The following GPR132 variants were observed in gnomAD, a reference collection of about 807,000 sequenced individuals.
The protein encoded by GPR132 is probable G protein-coupled receptor 132.
GPR132 carries 4 observed loss-of-function variants against 1.9 expected under a neutral mutation model. The observed-to-expected ratio is 2.13, with a 90% CI of 1.05 to 4.87. The LOEUF is 4.87. GPR132 is among the 30% of genes most tolerant of loss of function. GPR132 has a pLI of 0.01. For missense variants in GPR132, 404 were observed against 512.5 expected (o/e 0.79, Z 2.04); for synonymous variants, 233 against 234.2 (o/e 0.99, Z 0.05).
At chr14:105,052,162 T>C in intron 3 of GPR132, 60 bp from the exon 4 acceptor site, 1 of 1,371,636 alleles carries the variant, frequency 7.3e-7, no homozygotes, top group Non-Finnish European at 9.8e-7. Flanking sequence ...GGAGAGACTC[T>C]ACTGTGGGAA....
intron 1 of GPR132, among the ~76,000 whole-genome samples, chr14:105,065,047 C>T (rs1487684205): frequency 6.6e-6 from 1 of 152,044 alleles, no homozygotes; most frequent in Non-Finnish European, 1.5e-5. Context: ...CAAAGTCCAG[C>T]CCCCTGACTC....
At chr14:105,054,512 C>G (rs1886736383) in intron 3 of GPR132, 1 of 587,888 alleles carries the variant, frequency 1.7e-6, no homozygotes, top group Non-Finnish European at 2.1e-6. Flanking sequence ...GCTACTGCAA[C>G]CTCTGCCTCC....
chr14:105,056,629 C>A lies in GPR132; in HGVS notation c.-746-463G>T, dbSNP rs1282903669. ...AGTCAGGGCCTCGGTGCCCCTCAGT[C>A]CCGCACCCCCTGCTCCAGGCCTCAC... is the stretch of plus-strand genomic sequence containing the variant. On this transcript the variant is annotated intron_variant, in intron 2 of 3. Coordinates refer to ENST00000329797, the MANE Select transcript of GPR132 (RefSeq NM_013345.4). The surrounding 1 kb of genome is among the most constrained non-coding windows in gnomAD (Gnocchi z 6.0). Among the ~76,000 whole-genome samples the A allele has an allele frequency of 6.6e-6, 1 of 152,226 alleles. No homozygotes were observed. Among genetic ancestry groups the A allele is most frequent in the Non-Finnish European group, 1.5e-5 (1 of 68,042 alleles).
At chr14:105,061,130 C>G (rs960212285) in intron 1 of GPR132, among the ~76,000 whole-genome samples, 1 of 152,258 alleles carries the variant, frequency 6.6e-6, no homozygotes, top group African/African-American at 2.4e-5. Context: ...GTGGGAACAA[C>G]CCAAGGCAGG....
intron 1 of GPR132, among the ~76,000 whole-genome samples, chr14:105,062,359 C>A (rs1886966134): frequency 1.3e-5 from 2 of 152,200 alleles, no homozygotes; most frequent in Non-Finnish European, 2.9e-5. Context: ...GGCCAGCCCT[C>A]CACTGCTCCC....
At position 105,056,559 on chromosome 14, in the gene GPR132, T is replaced by C. The variant is rs991832430; in HGVS notation, c.-746-393A>G. ...CGCTCTGGTCTGTTCCCTCCCCGAC[T>C]TCCTACGGCTCCCCCACCCCACACA... On this transcript the variant is annotated intron_variant, in intron 2 of 3. Coordinates refer to ENST00000329797, the MANE Select transcript of GPR132 (RefSeq NM_013345.4). The surrounding 1 kb of genome is among the most constrained non-coding windows in gnomAD (Gnocchi z 6.0). Among the ~76,000 whole-genome samples, 1 of 152,148 alleles carries C rather than the reference T, an allele frequency of 6.6e-6. No individual in the cohort carries two copies. Among genetic ancestry groups the C allele is most frequent in the Non-Finnish European group, 1.5e-5 (1 of 68,008 alleles).
At chr14:105,061,567 G>T (rs1373960674) in intron 1 of GPR132, among the ~76,000 whole-genome samples, 2 of 152,190 alleles carry the variant, frequency 1.3e-5, no homozygotes, top group East Asian at 3.9e-4. Context: ...TCCACAGAAA[G>T]GGGCGTGGGG....
At chr14:105,063,668 C>T (rs749327472) in intron 1 of GPR132, among the ~76,000 whole-genome samples, 3 of 151,978 alleles carry the variant, frequency 2.0e-5, no homozygotes, top group Admixed American at 6.6e-5. Flanking sequence ...TGAGCCACCA[C>T]GCCCAGCCTG....
rs1214180860 is a variant in GPR132, at chr14:105,051,849, T to C, written c.288A>G (p.Pro96=). ...LCELLYTGTL[P]LWVIYIRNQH... ...GGTTGCGGATATAGATGACCCAGAGTGGCAGCGTGCCTGTGTACAGCAGCT... is the reference window on the plus strand; with the variant it reads ...GGTTGCGGATATAGATGACCCAGAGCGGCAGCGTGCCTGTGTACAGCAGCT... The change falls in exon 4 of 4, where the codon CCA becomes CCG. Residue 96 remains proline, a synonymous_variant. Coordinates refer to ENST00000329797, the MANE Select transcript of GPR132 (RefSeq NM_013345.4). This position sits in a 1 kb window ranked among gnomAD's most constrained non-coding sequence, Gnocchi z 8.0. 3 of 1,613,912 alleles carry C rather than the reference T, an allele frequency of 1.9e-6. No homozygotes were observed. Among genetic ancestry groups the C allele is most frequent in the South Asian group, 2.2e-5 (2 of 91,084 alleles).
chr14:105,052,103 C>A lies in GPR132; in HGVS notation c.35-1G>T, dbSNP rs772040267. 6.4e-7 allele frequency: 1 copy of A among 1,557,312 alleles called. No homozygotes were observed. Among genetic ancestry groups the A allele is most frequent in the Non-Finnish European group, 8.7e-7 (1 of 1,153,854 alleles). ...GTGGTGGTCACTGGGGTGGCGTTTCCTGTGGGACAGAGACAAGAGTGAGGA... is the reference window on the plus strand; with the variant it reads ...GTGGTGGTCACTGGGGTGGCGTTTCATGTGGGACAGAGACAAGAGTGAGGA... On this transcript the variant is annotated splice_acceptor_variant, in intron 3 of 3. Transcript: ENST00000329797. LOFTEE classifies it high-confidence loss of function.
chr14:105,056,923 C>T lies in GPR132; in HGVS notation c.-747+244G>A, dbSNP rs575333617. Among the ~76,000 whole-genome samples the T allele has an allele frequency of 1.2e-3, 182 of 152,334 alleles. No individual in the cohort carries two copies. The highest frequency in any genetic ancestry group is 4.1e-3 in the African/African-American group (171 of 41,578). ...CCCCCTGACTCAGTACTGTGTCGCCCTCCCAGGAGCCACCAACTATGCCCT... is the reference window on the plus strand; with the variant it reads ...CCCCCTGACTCAGTACTGTGTCGCCTTCCCAGGAGCCACCAACTATGCCCT... On this transcript the variant is annotated intron_variant, in intron 2 of 3. Transcript: ENST00000329797. This position sits in a 1 kb window ranked among gnomAD's most constrained non-coding sequence, Gnocchi z 6.0.
At chr14:105,062,816 C>T (rs985545160) in intron 1 of GPR132, among the ~76,000 whole-genome samples, 6 of 152,008 alleles carry the variant, frequency 3.9e-5, no homozygotes, top group East Asian at 1.9e-4. Flanking sequence ...GCTGGGATTA[C>T]GGTGTGAGCC....
rs1296006293 is a variant in GPR132, at chr14:105,059,703, A to C, written c.-860-2423T>G. 6.6e-6 allele frequency among the ~76,000 whole-genome samples: 1 copy of C among 152,086 alleles called. No individual in the cohort carries two copies. The highest frequency in any genetic ancestry group is 1.5e-5 in the Non-Finnish European group (1 of 68,028). ...TCTCTTGTCTCCCTAAAATGCATGA[A>C]ACCAGGCTGCGCCCGACCACCCTGG... On this transcript the variant is annotated intron_variant, in intron 1 of 3. Transcript: ENST00000329797. The surrounding 1 kb of genome is among the most constrained non-coding windows in gnomAD (Gnocchi z 4.2).
intron 1 of GPR132, among the ~76,000 whole-genome samples, chr14:105,061,990 G>A (rs1886956426): frequency 6.6e-6 from 1 of 152,242 alleles, no homozygotes; most frequent in Non-Finnish European, 1.5e-5. Context: ...GCCTGGCCTG[G>A]TGGACTCCAG....
At chr14:105,052,345 G>A (rs974341156) in intron 3 of GPR132, among the ~76,000 whole-genome samples, 1 of 151,528 alleles carries the variant, frequency 6.6e-6, no homozygotes, top group Non-Finnish European at 1.5e-5. Flanking sequence ...TCTTTTTTTT[G>A]AAATGGAGTT....
intron 3 of GPR132, among the ~76,000 whole-genome samples, chr14:105,053,126 T>C (rs1886695761): frequency 6.7e-6 from 1 of 148,338 alleles, no homozygotes; most frequent in South Asian, 2.2e-4. Context: ...CACTGCCTCA[T>C]CCTAATTCCT....
intron 1 of GPR132, among the ~76,000 whole-genome samples, chr14:105,062,540 C>CTTTTTTTT (rs59869492): frequency 1.1e-4 from 14 of 128,682 alleles, no homozygotes; most frequent in South Asian, 2.5e-4. Flanking sequence ...CTTTTCTTTT[C>CTTTTTTTT]TTTTTTTTTT....
At position 105,049,794 on chromosome 14, in the gene GPR132, T is replaced by C. The variant is rs1886581670; in HGVS notation, c.*1200A>G. 1 of 152,274 alleles carries C rather than the reference T, an allele frequency of 6.6e-6. No homozygotes were observed. The highest frequency in any genetic ancestry group is 1.5e-5 in the Non-Finnish European group (1 of 68,134). 9.4% of individuals were successfully genotyped at this position (152,274 alleles called of 1,614,324 possible). ...GGCCCTGTCTCTAAAAAAATAAATA[T>C]TAAAAACAAAAACAAAAACAAAACA... On this transcript the variant is annotated 3_prime_UTR_variant, in exon 4 of 4. Coordinates refer to ENST00000329797, the MANE Select transcript of GPR132 (RefSeq NM_013345.4).
rs1207390244 is a variant in GPR132, at chr14:105,051,305, C to T, written c.832G>A (p.Ala278Thr). ...AFSYYRGDRN[A>T]MCGLEERLYT... Reference sequence around the variant, plus strand: ...AGCCTTTCCTCCAAGCCGCACATGGCGTTCCTGTCTCCTCTGTAGTAGGAA... The same window carrying T: ...AGCCTTTCCTCCAAGCCGCACATGGTGTTCCTGTCTCCTCTGTAGTAGGAA... The change falls in exon 4 of 4, where the codon GCC (alanine) becomes ACC (threonine). Residue 278 changes from alanine to threonine, a missense_variant. Transcript: ENST00000329797. This position sits in a 1 kb window ranked among gnomAD's most constrained non-coding sequence, Gnocchi z 8.0. 7 of 1,614,036 alleles carry T rather than the reference C, an allele frequency of 4.3e-6. No homozygotes were observed. The highest frequency in any genetic ancestry group is 2.2e-5 in the East Asian group (1 of 44,878).
Sources: gnomAD v4.1 joint callset for allele counts (sites outside exome capture counted in the v4.1 genomes callset) on GRCh38, gnomAD v4.1.1 for gene constraint, Gnocchi (gnomAD v3.1) non-coding constraint, MANE v1.5 for transcripts, NCBI Gene and HGNC (gene_info 2026-07-23, HGNC 2026-07-21) for gene names.